The following WDR62 variants were observed in gnomAD, a reference collection of about 807,000 sequenced individuals.
WDR62 encodes the protein WD repeat-containing protein 62.
WDR62 carries 112 observed loss-of-function variants against 160.6 expected under a neutral mutation model. The ratio of observed to expected loss-of-function variants is 0.70; its 90% CI spans 0.60 to 0.82. The LOEUF (loss-of-function observed/expected upper bound fraction) is 0.82, where lower values mean the gene tolerates loss of function less well. Ranked by LOEUF, WDR62 falls within the 40% of genes least tolerant of loss-of-function variation. The pLI is 0.00. For missense variants in WDR62, 1,819 were observed against 1,983.8 expected, an observed-to-expected ratio of 0.92 and a Z score of 1.58; for synonymous variants, 792 against 815.1, an observed-to-expected ratio of 0.97 and a Z score of 0.48.
At chr19:36,086,476 TGAG>T (rs928497771) in intron 12 of WDR62, among the ~76,000 whole-genome samples, 2 of 151,220 alleles carry the variant, frequency 1.3e-5, no homozygotes, top group African/African-American at 2.4e-5. Context: ...GAGCTGGTGG[TGAG>T]GAGGTGAAAT....
At chr19:36,062,665 A>AAAAAAAAAAAAAAAC (rs1568325528) in intron 3 of WDR62, 1 of 141,690 alleles carries the variant, frequency 7.1e-6, no homozygotes, top group African/African-American at 2.6e-5. Flanking sequence ...AAAAAAAAAA[A>AAAAAAAAAAAAAAAC]AAAAAAAAAA....
chr19:36,086,443 G>A (rs987377594), intron 12 of WDR62, among the ~76,000 whole-genome samples: 3 of 152,166 alleles, frequency 2.0e-5, no homozygotes, highest in Non-Finnish European at 4.4e-5. Flanking sequence ...GCGTCCATGC[G>A]CCCATCGAGA....
chr19:36,099,592 AGAGCCTGGCCAGCCTGCT>A lies in WDR62; in HGVS notation c.2718_2735del (p.Leu907_Ser912del). 6.2e-7 allele frequency: 1 copy of A among 1,614,234 alleles called. No homozygotes were observed. Among genetic ancestry groups the A allele is most frequent in the East Asian group, 2.2e-5 (1 of 44,882 alleles). On this transcript the variant is annotated inframe_deletion, in exon 22 of 32. Transcript: ENST00000401500. ...TCCATTCTGGATTCACTGGAGCCAC[AGAGCCTGGCCAGCCTGCT>A]GAGTGAGGTACACACTTCCACCGCA... is the stretch of plus-strand genomic sequence containing the variant.
Position 36,081,466 on chromosome 19 carries a change from T to C in WDR62, c.1267T>C (p.Leu423=). ...TGAGTTTGAAGACCAGAGAGCTTGT[T>C]TGCCATCAGGATCCTTTCTGACTTG... ...YPEFEDQRAC[L]PSGSFLTCSS... The change falls in exon 10 of 32, where the codon TTG becomes CTG. Residue 423 remains leucine (L), a synonymous_variant. Coordinates refer to ENST00000401500, the MANE Select transcript of WDR62 (RefSeq NM_001083961.2). 6.2e-7 allele frequency: 1 copy of C among 1,614,210 alleles called. No individual in the cohort carries two copies. The highest frequency in any genetic ancestry group is 8.5e-7 in the Non-Finnish European group (1 of 1,180,034).
intron 9 of WDR62, 73 bp from the exon 10 acceptor site, chr19:36,081,360 T>C (rs75564678): frequency 9.6e-6 from 15 of 1,568,686 alleles, no homozygotes; most frequent in Admixed American, 3.4e-5. Flanking sequence ...TTTTTTTTTT[T>C]CCATGAAAAT....
chr19:36,082,521 A>C (rs1971958208), intron 10 of WDR62, among the ~76,000 whole-genome samples: 1 of 152,226 alleles, frequency 6.6e-6, no homozygotes, highest in Non-Finnish European at 1.5e-5. Context: ...GGTGCCCTGC[A>C]GGTGCACCTT....
chr19:36,068,702 G>A (rs1292091762), intron 7 of WDR62, among the ~76,000 whole-genome samples: 1 of 152,238 alleles, frequency 6.6e-6, no homozygotes, highest in African/African-American at 2.4e-5. Context: ...AGCATCCCAA[G>A]GCAGAAGAAT....
chr19:36,090,245 G>A (rs1032631045), intron 15 of WDR62, among the ~76,000 whole-genome samples, 200 bp from the exon 16 acceptor site: 2 of 152,248 alleles, frequency 1.3e-5, no homozygotes, highest in Non-Finnish European at 2.9e-5. Context: ...CTTGCAGTGT[G>A]TGGGGGAGAT....
At position 36,055,115 on chromosome 19, in the gene WDR62, C is replaced by T. The variant is rs1250696768; in HGVS notation, c.144C>T (p.Leu48=). The change falls in exon 1 of 32, where the codon CTC becomes CTT. Residue 48 remains leucine (L), a synonymous_variant. Transcript: ENST00000401500. The part of the protein sequence containing the change: ...PPICLRRRTR[L]STASEETVQN... The stretch of plus-strand genomic sequence containing the variant: ...TCTGCCTACGGCGGCGGACGCGACT[C>T]TCGACGGCCTCCGAGGAGACGGTGC... 7 of 1,607,472 alleles carry T rather than the reference C, an allele frequency of 4.4e-6. No individual in the cohort carries two copies. The highest frequency in any genetic ancestry group is 1.7e-4 in the Middle Eastern group (1 of 6,046).
At chr19:36,098,263 TAA>T (rs570573692) in intron 21 of WDR62, among the ~76,000 whole-genome samples, 8 of 140,480 alleles carry the variant, frequency 5.7e-5, no homozygotes, top group African/African-American at 2.6e-5. Flanking sequence ...CCTTGTCTCT[TAA>T]AAAAAAAAAA....
rs368851391 is a variant in WDR62, at chr19:36,100,710, A to G, written c.2740-38A>G. On this transcript the variant is annotated intron_variant, in intron 22 of 31. Transcript: ENST00000401500. ...TGGCGCACTGTTGGTGGCCCCAGCC[A>G]TGCCTGCCTCAGAATGGCTGTGCTG... 4.3e-6 allele frequency: 7 copies of G among 1,612,570 alleles called. No homozygotes were observed. The Admixed American group carries it at 5.0e-5, about 12-fold the overall frequency.
rs1379578836 is a variant in WDR62 at position 36,086,728 on chromosome 19, C to A, written c.1684C>A (p.His562Asn). ...LASASRDRLI[H>N]VLNVEKNYNL... ...CTCAGCCAGTCGGGACCGGCTGATC[C>A]ATGTGCTGAACGTGGAGAAGAACTA... Residue 562 changes from histidine to asparagine, a missense_variant, in exon 13 of 32, where the codon CAT becomes AAT. His to Asn is a moderately conservative substitution (Grantham distance 68). Transcript: ENST00000401500. 2 of 1,605,686 alleles carry A rather than the reference C, an allele frequency of 1.2e-6. No individual in the cohort carries two copies. The highest frequency in any genetic ancestry group is 1.1e-5 in the South Asian group (1 of 89,576).
chr19:36,073,690 C>T (rs932676275), intron 9 of WDR62, 159 bp downstream of exon 9: 29 of 713,340 alleles, frequency 4.1e-5, no homozygotes, highest in Non-Finnish European at 6.3e-5. Context: ...AAAATCCCTG[C>T]CCTTAACAAG....
chr19:36,106,995 C>T (rs534828938), downstream of WDR62, among the ~76,000 whole-genome samples: 3 of 152,250 alleles, frequency 2.0e-5, no homozygotes, highest in East Asian at 5.8e-4. Context: ...GCTTGGTGTT[C>T]AGCCCCCCAG....
chr19:36,058,265 T>A (rs149957153), intron 1 of WDR62, among the ~76,000 whole-genome samples: 54 of 152,272 alleles, frequency 3.5e-4, no homozygotes, highest in African/African-American at 1.2e-3. Flanking sequence ...GGCAGGAGAA[T>A]TGCTTGAACC....
chr19:36,097,003 T>C, intron 20 of WDR62, 24 bp from the exon 21 acceptor site: 1 of 1,604,366 alleles, frequency 6.2e-7, no homozygotes, highest in South Asian at 1.1e-5. Context: ...TTGTCCTCTT[T>C]TCATGGATTC....
intron 9 of WDR62, among the ~76,000 whole-genome samples, chr19:36,080,583 C>T (rs986903870): frequency 2.6e-5 from 4 of 151,546 alleles, no homozygotes; most frequent in East Asian, 1.9e-4. Flanking sequence ...CTCAGCCTCC[C>T]GAGTAGCTGG....
At chr19:36,066,511 G>A (rs965728267) in intron 5 of WDR62, 84 bp downstream of exon 5, 2 of 1,486,654 alleles carry the variant, frequency 1.3e-6, no homozygotes, top group East Asian at 2.5e-5. Flanking sequence ...CTACATGAGA[G>A]GACGCAGTAA....
chr19:36,067,832 C>T lies in WDR62; in HGVS notation c.704C>T (p.Thr235Met), dbSNP rs948741011. The part of the protein sequence containing the change: ...FLEVSTETKV[T>M]STVPLVGRSG... ...CTACGCCCTCTGTGTCTCCAGGTGA[C>T]GAGCACAGTGCCCCTTGTAGGGCGC... Residue 235 changes from threonine to methionine, a missense_variant, in exon 7 of 32, where the codon ACG becomes ATG. Around this residue, in one of 3 missense-constraint regions of WDR62, gnomAD observed 934 missense variants for 1,157.2 expected, o/e 0.81. Transcript: ENST00000401500. 1.1e-5 allele frequency: 18 copies of T among 1,613,940 alleles called. No homozygotes were observed. Among genetic ancestry groups the T allele is most frequent in the Middle Eastern group, 3.3e-4 (2 of 5,988 alleles).
Sources: gnomAD v4.1 joint callset for allele counts (sites outside exome capture counted in the v4.1 genomes callset) on GRCh38, gnomAD v4.1.1 for gene constraint, gnomAD v4.1.1 regional missense constraint, MANE v1.5 for transcripts, NCBI Gene and HGNC (gene_info 2026-07-23, HGNC 2026-07-21) for gene names.